IDE: variants seen among roughly 807,000 people sequenced by gnomAD.
IDE encodes insulin-degrading enzyme.
In IDE, 58 loss-of-function variants were observed where a neutral mutation model predicts 133.2. The ratio of observed to expected loss-of-function variants is 0.44; its 90% CI spans 0.35 to 0.54. The LOEUF is 0.54. IDE is among the 20% of genes least tolerant of loss of function. IDE has a pLI of 0.00. For synonymous variants in IDE, 396 were observed against 421.3 expected, an observed-to-expected ratio of 0.94 and a Z score of 0.73; for missense variants, 981 against 1,234.0, an observed-to-expected ratio of 0.79 and a Z score of 3.07.
chr10:92,490,446 T>C lies in IDE; in HGVS notation c.1533+47A>G, dbSNP rs1012276238. 2.5e-6 allele frequency: 3 copies of C among 1,184,816 alleles called. No individual in the cohort carries two copies. In the Admixed American group the frequency reaches 5.3e-5, roughly 21 times the overall value. 73.4% of individuals were successfully genotyped at this position (1,184,816 alleles called of 1,614,324 possible). The stretch of plus-strand genomic sequence containing the variant: ...TGGTGGATCTAGGGAGCAATGTTCT[T>C]GTGATTCCTCACATGTCAGGCTTAT... On this transcript the variant is annotated intron_variant, in intron 12 of 24. Coordinates refer to ENST00000265986, the MANE Select transcript of IDE (RefSeq NM_004969.4).
At chr10:92,518,422 A>G (rs913485035) in intron 4 of IDE, among the ~76,000 whole-genome samples, 1 of 152,252 alleles carries the variant, frequency 6.6e-6, no homozygotes, top group Non-Finnish European at 1.5e-5. Flanking sequence ...ACTTAACAAA[A>G]ATGTTAAAGT....
intron 2 of IDE, among the ~76,000 whole-genome samples, chr10:92,535,566 G>T (rs917794545): frequency 6.6e-6 from 1 of 152,202 alleles, no homozygotes; most frequent in African/African-American, 2.4e-5. Flanking sequence ...TTACAGGGCT[G>T]TGTGAGTACA....
chr10:92,547,891 C>T (rs1359332047), intron 1 of IDE, among the ~76,000 whole-genome samples: 2 of 152,168 alleles, frequency 1.3e-5, no homozygotes, highest in African/African-American at 4.8e-5. Flanking sequence ...CTGGACTATT[C>T]TGGTCAAACC....
chr10:92,474,636 A>G (rs1846151209), intron 17 of IDE: 1 of 459,246 alleles, frequency 2.2e-6, no homozygotes, highest in Admixed American at 3.9e-5. Context: ...GGAATGTTCA[A>G]TATCTTCCTT....
At chr10:92,556,187 A>G (rs113677284) in intron 1 of IDE, among the ~76,000 whole-genome samples, 6 of 150,302 alleles carry the variant, frequency 4.0e-5, no homozygotes, top group Non-Finnish European at 7.4e-5. Context: ...CTCAAAAAAA[A>G]AAAAAAAAAA....
chr10:92,483,077 G>A (rs958774864), intron 14 of IDE, among the ~76,000 whole-genome samples, 178 bp downstream of exon 14: 3 of 152,202 alleles, frequency 2.0e-5, no homozygotes, highest in African/African-American at 7.2e-5. Flanking sequence ...ACCGTGCCCG[G>A]CCAACCTCTC....
intron 15 of IDE, 146 bp from the exon 16 acceptor site, chr10:92,476,140 T>G (rs1564605667): frequency 1.7e-6 from 1 of 583,274 alleles, no homozygotes; most frequent in Non-Finnish European, 3.0e-6. Context: ...CATAAATATA[T>G]ATAGTGTAAC....
At chr10:92,472,365 T>C (rs1056257170) in intron 17 of IDE, among the ~76,000 whole-genome samples, 6 of 152,222 alleles carry the variant, frequency 3.9e-5, no homozygotes, top group African/African-American at 9.6e-5. Context: ...TTAAAATTAA[T>C]TGTGTGGTAT....
At chr10:92,499,166 G>A (rs1035097562) in intron 11 of IDE, among the ~76,000 whole-genome samples, 2 of 151,928 alleles carry the variant, frequency 1.3e-5, no homozygotes, top group African/African-American at 4.8e-5. Context: ...TAATATTGAT[G>A]AAGTCCATTT....
At chr10:92,477,792 A>G (rs1485816195) in intron 15 of IDE, among the ~76,000 whole-genome samples, 3 of 152,222 alleles carry the variant, frequency 2.0e-5, no homozygotes. Context: ...ACAGATGATT[A>G]CTTTTCTATT....
intron 2 of IDE, 35 bp downstream of exon 2, chr10:92,537,331 C>G: frequency 6.5e-7 from 1 of 1,538,002 alleles, no homozygotes; most frequent in Non-Finnish European, 8.8e-7. Context: ...GTCAATGAAA[C>G]AAAACAAAGC....
Position 92,454,534 on chromosome 10 carries a change from T to C in IDE, c.2970A>G (p.Glu990=). The C allele has an allele frequency of 6.2e-7, 1 of 1,612,912 alleles. No homozygotes were observed. Among genetic ancestry groups the C allele is most frequent in the African/African-American group, 1.3e-5 (1 of 75,040 alleles). ...LSQAPALPQP[E]VIQNMTEFKR... is the part of the protein sequence containing the mutation. ...TGAATTCGGTCATGTTCTGAATCAC[T>C]TCAGGCTGCAAAGAAAAAAGTTTCC... is the stretch of plus-strand genomic sequence containing the variant. The change falls in exon 25 of 25, where the codon GAA becomes GAG. Residue 990 remains glutamate, a synonymous_variant. Transcript: ENST00000265986.
Position 92,465,694 on chromosome 10 carries a change from G to T in IDE, c.2470C>A (p.Arg824Ser). Residue 824 changes from arginine (R) to serine (S), a missense_variant, in exon 20 of 25, where the codon CGC (arginine) becomes AGC (serine). Around this residue, in one of 2 missense-constraint regions of IDE, gnomAD observed 660 missense variants for 894.7 expected, o/e 0.74. Coordinates refer to ENST00000265986, the MANE Select transcript of IDE (RefSeq NM_004969.4). ...CTCTCACCCAACTGCTCCTTGGTGC[G>T]CAGGGTGTTGAAGCAAGGTTCCGAG... is the stretch of plus-strand genomic sequence containing the variant. ...IISEPCFNTL[R>S]TKEQLGYIVF... 1 of 1,613,174 alleles carries T rather than the reference G, an allele frequency of 6.2e-7. No individual in the cohort carries two copies.
At chr10:92,488,932 T>TAAAAAAAAAAAAAAAAAAAAAA (rs56377277) in intron 12 of IDE, among the ~76,000 whole-genome samples, 1 of 78,970 alleles carries the variant, frequency 1.3e-5, no homozygotes, top group Non-Finnish European at 2.2e-5. Flanking sequence ...TTTCATTATT[T>TAAAAAAAAAAAAAAAAAAAAAA]AAAAAAAAAA....
intron 20 of IDE, among the ~76,000 whole-genome samples, chr10:92,464,380 T>C (rs1291587677): frequency 6.6e-6 from 1 of 152,224 alleles, no homozygotes; most frequent in Non-Finnish European, 1.5e-5. Context: ...CTGTGTTTCC[T>C]TTAACATCCA....
At chr10:92,467,610 G>A (rs1024041409) in intron 19 of IDE, among the ~76,000 whole-genome samples, 1 of 152,182 alleles carries the variant, frequency 6.6e-6, no homozygotes, top group Non-Finnish European at 1.5e-5. Flanking sequence ...AGAGTCAAAA[G>A]AAGTAAGAAG....
chr10:92,517,409 T>G (rs1339298345), intron 4 of IDE, among the ~76,000 whole-genome samples: 2 of 152,076 alleles, frequency 1.3e-5, no homozygotes, highest in Non-Finnish European at 2.9e-5. Flanking sequence ...GTTTCCAGGT[T>G]GTTCTTGTTT....
At chr10:92,537,043 A>AG (rs1235775323) in intron 2 of IDE, among the ~76,000 whole-genome samples, 1 of 152,100 alleles carries the variant, frequency 6.6e-6, no homozygotes, top group African/African-American at 2.4e-5. Flanking sequence ...CTCAAAAAAA[A>AG]AAAAAGAAAA....
intron 1 of IDE, among the ~76,000 whole-genome samples, chr10:92,539,880 G>A (rs1022725839): frequency 6.6e-6 from 1 of 152,120 alleles, no homozygotes; most frequent in African/African-American, 2.4e-5. Flanking sequence ...CGGTAAAATA[G>A]TAATAATTCT....
Sources: allele counts gnomAD v4.1 joint callset (sites outside exome capture counted in the v4.1 genomes callset), GRCh38; gene constraint gnomAD v4.1.1; regional missense constraint gnomAD v4.1.1; transcripts MANE v1.5; gene names NCBI Gene and HGNC (gene_info 2026-07-23, HGNC 2026-07-21).